RNF145: variants seen among roughly 807,000 people sequenced by gnomAD.
RNF145 encodes ring finger protein 145.
In RNF145, 12 loss-of-function variants were observed where a neutral mutation model predicts 57.3. The ratio of observed to expected loss-of-function variants is 0.21; its 90% CI spans 0.13 to 0.34. The LOEUF is 0.34. Among genes scored for constraint, RNF145 ranks in the 10% least tolerant of loss-of-function variants. RNF145 has a pLI of 1.00. For missense variants in RNF145, 429 were observed against 799.0 expected (o/e 0.54, Z 5.58); for synonymous variants, 262 against 288.3 (o/e 0.91, Z 0.92).
Position 159,200,108 on chromosome 5 carries a change from C to G in RNF145, c.184+3326G>C, listed in dbSNP as rs527858026. On this transcript the variant is annotated intron_variant, in intron 2 of 10. Transcript: ENST00000424310. ...GAGTTCCAGGCCAGCCTGGGCAACA[C>G]AGCAAGAACCCATCCTCCCCACCTG... 2.6e-5 allele frequency among the ~76,000 whole-genome samples: 4 copies of G among 152,200 alleles called. No homozygotes were observed. In the South Asian group the frequency reaches 8.3e-4, roughly 32 times the overall value.
chr5:159,207,505 A>T, intron 1 of RNF145: 3 of 1,049,300 alleles, frequency 2.9e-6, no homozygotes, highest in Admixed American at 3.1e-5. Context: ...CCAACCAGTT[A>T]AAAAAAAAAA....
intron 9 of RNF145, among the ~76,000 whole-genome samples, chr5:159,161,931 T>C (rs1784231183): frequency 2.6e-5 from 4 of 152,208 alleles, no homozygotes. Flanking sequence ...TTTCCCTTAT[T>C]CCTTAGGTCA....
chr5:159,177,804 G>C (rs1435687733), intron 4 of RNF145, among the ~76,000 whole-genome samples: 3 of 152,038 alleles, frequency 2.0e-5, no homozygotes, highest in Non-Finnish European at 4.4e-5. Context: ...ATAATTTAGA[G>C]ATGGGAAGAA....
At chr5:159,207,513 A>T (rs1042191845) in intron 1 of RNF145, 1 of 1,544,154 alleles carries the variant, frequency 6.5e-7, no homozygotes, top group African/African-American at 1.4e-5. Context: ...TTAAAAAAAA[A>T]AATTCTACCA....
At chr5:159,207,842 G>A in intron 1 of RNF145, 1 of 1,614,064 alleles carries the variant, frequency 6.2e-7, no homozygotes, top group Non-Finnish European at 8.5e-7. Context: ...GAATACAAAG[G>A]CCATCTTTCA....
At chr5:159,204,428 G>A (rs1234351931) in intron 1 of RNF145, among the ~76,000 whole-genome samples, 1 of 151,940 alleles carries the variant, frequency 6.6e-6, no homozygotes, top group Non-Finnish European at 1.5e-5. Flanking sequence ...GCAGTTATCA[G>A]GACAATTTAC....
chr5:159,189,881 C>A (rs1011456522), intron 3 of RNF145, among the ~76,000 whole-genome samples: 10 of 152,164 alleles, frequency 6.6e-5, no homozygotes, highest in African/African-American at 2.4e-4. Flanking sequence ...AGGTGATAGA[C>A]TGACAGTTGC....
At chr5:159,202,518 C>T (rs1785705163) in intron 2 of RNF145, among the ~76,000 whole-genome samples, 3 of 152,112 alleles carry the variant, frequency 2.0e-5, no homozygotes, top group African/African-American at 7.2e-5. Context: ...CAACAGCTTA[C>T]CTCTTAGGGA....
At chr5:159,181,874 T>TAA in intron 4 of RNF145, 86 bp downstream of exon 4, 2 of 740,798 alleles carry the variant, frequency 2.7e-6, no homozygotes, top group Admixed American at 2.2e-5. Flanking sequence ...AATTCCGTTT[T>TAA]AAAAAAAAAT....
intron 4 of RNF145, among the ~76,000 whole-genome samples, chr5:159,181,079 T>C (rs1210269820): frequency 6.7e-6 from 1 of 148,264 alleles, no homozygotes; most frequent in African/African-American, 2.5e-5. Context: ...CCCAGAAACT[T>C]ATCTAAAAAA....
chr5:159,207,647 C>T (rs972725635), intron 1 of RNF145: 9 of 1,609,294 alleles, frequency 5.6e-6, no homozygotes, highest in South Asian at 1.1e-5. Context: ...AAGCCCAGAA[C>T]TGAGATACCA....
At chr5:159,208,270 T>C in intron 1 of RNF145, 1 of 640,700 alleles carries the variant, frequency 1.6e-6, no homozygotes, top group Non-Finnish European at 2.2e-6. Context: ...CAGCAAAAAC[T>C]CTTCCAGGAA....
intron 6 of RNF145, among the ~76,000 whole-genome samples, chr5:159,172,196 T>C (rs528258097): frequency 1.6e-4 from 25 of 152,292 alleles, no homozygotes; most frequent in Admixed American, 1.4e-3. Context: ...TTGGGTCATT[T>C]TAAAAGTCTT....
intron 2 of RNF145, among the ~76,000 whole-genome samples, chr5:159,199,479 G>A (rs1398267050): frequency 6.6e-6 from 1 of 151,998 alleles, no homozygotes; most frequent in Non-Finnish European, 1.5e-5. Flanking sequence ...ATAAATGAGG[G>A]TTGAATTTTA....
Position 159,176,760 on chromosome 5 carries a change from A to C in RNF145, c.493T>G (p.Leu165Val). 6.2e-7 allele frequency: 1 copy of C among 1,612,552 alleles called. No homozygotes were observed. Among genetic ancestry groups the C allele is most frequent in the Non-Finnish European group, 8.5e-7 (1 of 1,178,944 alleles). ...PLLARLCLVP[L>V]ETIVIINKFA... The stretch of plus-strand genomic sequence containing the variant: ...TTATTGATGATAACAATTGTCTCCA[A>C]AGGAACAAGGCAGAGTCGTGCTAGC... The change falls in exon 5 of 11, where the codon TTG (leucine) becomes GTG (valine). Residue 165 changes from leucine to valine, a missense_variant. This residue lies in a region of RNF145 where 109 missense variants were observed against 207.2 expected (regional missense o/e 0.53). Transcript: ENST00000424310.
intron 2 of RNF145, among the ~76,000 whole-genome samples, chr5:159,199,291 T>A (rs552364019): frequency 5.6e-4 from 84 of 149,730 alleles, no homozygotes; most frequent in Non-Finnish European, 9.9e-4. Flanking sequence ...AGATTAAAAT[T>A]AAACACAAAT....
In RNF145 at chr5:159,174,141, G is replaced by A. The variant is rs1784642116; in HGVS notation, c.639C>T (p.Gly213=). Residue 213 remains glycine (G), a synonymous_variant, in exon 6 of 11, where the codon GGC becomes GGT. Transcript: ENST00000424310. ...RELVQVVEVY[G]LLALGMSLWN... is the part of the protein sequence containing the mutation. The stretch of plus-strand genomic sequence containing the variant: ...ACAGGGACATTCCCAAGGCGAGAAG[G>A]CCATATACCTCCACTACCTAAATAA... 2 of 1,607,692 alleles carry A rather than the reference G, an allele frequency of 1.2e-6. No homozygotes were observed. Among genetic ancestry groups the A allele is most frequent in the Non-Finnish European group, 1.7e-6 (2 of 1,177,662 alleles).
At chr5:159,161,055 C>T in intron 10 of RNF145, 5 of 497,576 alleles carry the variant, frequency 1.0e-5, no homozygotes, top group Non-Finnish European at 1.8e-5. Flanking sequence ...AACAACAATA[C>T]ATTAGAACCC....
chr5:159,169,618 T>C (rs1301849464), intron 7 of RNF145, 61 bp downstream of exon 7: 1 of 1,336,770 alleles, frequency 7.5e-7, no homozygotes, highest in Non-Finnish European at 1.0e-6. Context: ...AAATTCATCA[T>C]TACTTCCTCA....
Sources: gnomAD v4.1 joint callset for allele counts (sites outside exome capture counted in the v4.1 genomes callset) on GRCh38, gnomAD v4.1.1 for gene constraint, gnomAD v4.1.1 regional missense constraint, MANE v1.5 for transcripts, NCBI Gene and HGNC (gene_info 2026-07-23, HGNC 2026-07-21) for gene names.